Variants in LHX3 observed in about 807,000 individuals in gnomAD.
LHX3 encodes the protein LIM/homeobox protein Lhx3.
In LHX3, 21 loss-of-function variants were observed where a neutral mutation model predicts 32.4. The observed-to-expected ratio is 0.65, with a 90% confidence interval of 0.46 to 0.93. The LOEUF is 0.93. Among genes scored for constraint, LHX3 ranks in the 40% least tolerant of loss-of-function variants. The probability of loss-of-function intolerance (pLI) is 0.00; values close to 1 mark genes in which losing one functional copy is unlikely to be tolerated. For synonymous variants in LHX3, 258 were observed against 246.8 expected, an observed-to-expected ratio of 1.05 and a Z score of -0.43; for missense variants, 626 against 560.0, an observed-to-expected ratio of 1.12 and a Z score of -1.19.
rs1333751205 is a variant in LHX3, at chr9:136,198,723, C to G, written c.704G>C (p.Arg235Pro). The G allele has an allele frequency of 1.9e-6, 3 of 1,611,594 alleles. No homozygotes were observed. The highest frequency in any genetic ancestry group is 1.1e-5 in the South Asian group (1 of 91,036). Residue 235 changes from arginine (R) to proline (P), a missense_variant, in exon 5 of 6, where the codon CGC becomes CCC. Coordinates refer to ENST00000371748, the MANE Select transcript of LHX3 (RefSeq NM_178138.6). ...GTCCTTGTCCGACTTGGAGCCGCCG[C>G]GGGAGCGCTTCATGTTGCGGAAATA... ...GQYFRNMKRS[R>P]GGSKSDKDSV...
Position 136,196,951 on chromosome 9 carries a change from A to G in LHX3, c.*374T>C. The stretch of plus-strand genomic sequence containing the variant: ...GAAAGCACAATTATGATGATTTCTC[A>G]GTTTTAGAGATGAAAGCGTTTTTCC... On this transcript the variant is annotated 3_prime_UTR_variant, in exon 6 of 6. Coordinates refer to ENST00000371748, the MANE Select transcript of LHX3 (RefSeq NM_178138.6). 1 of 299,144 alleles carries G rather than the reference A, an allele frequency of 3.3e-6. No individual in the cohort carries two copies. Among genetic ancestry groups the G allele is most frequent in the Non-Finnish European group, 6.3e-6 (1 of 158,562 alleles). 18.5% of individuals were successfully genotyped at this position (299,144 alleles called of 1,614,324 possible).
At chr9:136,202,911 T>C in intron 1 of LHX3, 2 of 1,529,586 alleles carry the variant, frequency 1.3e-6, no homozygotes, top group South Asian at 1.2e-5. Flanking sequence ...GATCTCCTGG[T>C]CTCCCCGGTG....
chr9:136,204,456 C>A (rs1221256868), intron 1 of LHX3, among the ~76,000 whole-genome samples: 1 of 152,170 alleles, frequency 6.6e-6, no homozygotes, highest in Non-Finnish European at 1.5e-5. Context: ...GTTAAGGAGG[C>A]GGCCCACCCT....
intron 2 of LHX3, 101 bp from the exon 3 acceptor site, chr9:136,199,981 G>A (rs963090738): frequency 7.9e-7 from 1 of 1,258,008 alleles, no homozygotes; most frequent in East Asian, 2.5e-5. Flanking sequence ...AGGCGGCCCC[G>A]GAGGAAGGCT....
chr9:136,201,501 G>T, intron 1 of LHX3: 2 of 1,185,088 alleles, frequency 1.7e-6, no homozygotes, highest in East Asian at 3.6e-5. Context: ...GGTGCCCTGT[G>T]GGAGCCTCGA....
At chr9:136,199,080 G>T in intron 3 of LHX3, 21 bp from the exon 4 acceptor site, 1 of 1,444,868 alleles carries the variant, frequency 6.9e-7, no homozygotes, top group Non-Finnish European at 9.1e-7. Flanking sequence ...GGCGAGCGGT[G>T]AGGCGCGGCA....
chr9:136,204,970 C>T lies in LHX3; in HGVS notation c.43G>A (p.Gly15Arg), dbSNP rs769776453. Residue 15 changes from glycine (G) to arginine (R), a missense_variant, in exon 1 of 6, where the codon GGG becomes AGG. Coordinates refer to ENST00000371748, the MANE Select transcript of LHX3 (RefSeq NM_178138.6). Reference sequence around the variant, plus strand: ...CCCAAGGTGCAGACGGCGGCGGCCCCGGGCCTCGCTCGGTCGCGCTCGAGC... The same window carrying T: ...CCCAAGGTGCAGACGGCGGCGGCCCTGGGCCTCGCTCGGTCGCGCTCGAGC... ...TGLERDRARP[G>R]AAAVCTLGGT... The T allele has an allele frequency of 3.8e-6, 6 of 1,597,556 alleles. No individual in the cohort carries two copies. Among genetic ancestry groups the T allele is most frequent in the East Asian group, 2.2e-5 (1 of 44,454 alleles).
chr9:136,203,996 G>T (rs998978053), intron 1 of LHX3, among the ~76,000 whole-genome samples: 1 of 152,204 alleles, frequency 6.6e-6, no homozygotes, highest in African/African-American at 2.4e-5. Context: ...GCAGTGGGTG[G>T]CCCTCGGCAG....
chr9:136,198,287 T>C (rs1588624715), intron 5 of LHX3, among the ~76,000 whole-genome samples: 2 of 152,298 alleles, frequency 1.3e-5, no homozygotes, highest in Admixed American at 1.3e-4. Flanking sequence ...CAGCTGGGAC[T>C]TCGACTCAGT....
rs753541284 is a variant in LHX3, at chr9:136,198,890, G to A, written c.606+18C>T. The A allele has an allele frequency of 6.3e-7, 1 of 1,588,656 alleles. No homozygotes were observed. Among genetic ancestry groups the A allele is most frequent in the South Asian group, 1.1e-5 (1 of 89,838 alleles). On this transcript the variant is annotated intron_variant, in intron 4 of 5. Transcript: ENST00000371748. Reference sequence around the variant, plus strand: ...CCCCAAGGCCGCGGGCGGGAGGGAAGCAGGGGCGAGCGCTGACCTGCACCA... The same window carrying A: ...CCCCAAGGCCGCGGGCGGGAGGGAAACAGGGGCGAGCGCTGACCTGCACCA...
rs1038715784 is a variant in LHX3, at chr9:136,197,082, T to G, written c.*243A>C. 6.4e-5 allele frequency: 38 copies of G among 589,184 alleles called. No individual in the cohort carries two copies. Among genetic ancestry groups the G allele is most frequent in the Non-Finnish European group, 1.1e-4 (35 of 330,022 alleles). The allele number at this position is 589,184 out of a possible 1,614,324, so 36.5% of individuals were successfully genotyped here. A position where few individuals can be genotyped will look rare whatever the true frequency, so the allele number is the denominator to read the frequency against. On this transcript the variant is annotated 3_prime_UTR_variant, in exon 6 of 6. Transcript: ENST00000371748. ...AATTGGTCAATAAAGGGGAGAAATT[T>G]GCTTACAAAAAAGGCTGGCTTGCTG...
At chr9:136,198,617 C>T (rs534099570) in intron 5 of LHX3, 35 bp downstream of exon 5, 11 of 1,484,398 alleles carry the variant, frequency 7.4e-6, no homozygotes, top group Non-Finnish European at 9.9e-6. Flanking sequence ...GACGCGCGCT[C>T]GTCCCCCCCC....
Position 136,197,463 on chromosome 9 carries a change from G to A in LHX3, c.1056C>T (p.Pro352=), listed in dbSNP as rs761836187. ...TSLGLVPSGA[P]GGPPPMRVLA... is the part of the protein sequence containing the mutation. ...GCACCCTCATGGGTGGGGGCCCGCC[G>A]GGGGCTCCCGAGGGCACAAGGCCCA... Residue 352 remains proline (P), a synonymous_variant, in exon 6 of 6, where the codon CCC becomes CCT. Coordinates refer to ENST00000371748, the MANE Select transcript of LHX3 (RefSeq NM_178138.6). 2.3e-5 allele frequency: 37 copies of A among 1,576,028 alleles called. No homozygotes were observed. Among genetic ancestry groups the A allele is most frequent in the South Asian group, 2.0e-4 (17 of 86,706 alleles).
At chr9:136,202,349 TG>T (rs149934269) in intron 1 of LHX3, among the ~76,000 whole-genome samples, 4,131 of 152,140 alleles carry the variant, frequency 0.027, 168 homozygotes, top group African/African-American at 0.089. Context: ...CGAGGAGAAC[TG>T]CCCAGGTTCC....
intron 3 of LHX3, among the ~76,000 whole-genome samples, 193 bp from the exon 4 acceptor site, chr9:136,199,252 G>A (rs1239085651): frequency 1.3e-5 from 2 of 152,100 alleles, no homozygotes; most frequent in African/African-American, 2.4e-5. Context: ...TGGGGTGGAG[G>A]GGGCGCCGGC....
Position 136,198,794 on chromosome 9 carries a change from C to G in LHX3, c.633G>C (p.Lys211Asn). ...VQVWFQNRRA[K>N]EKRLKKDAGR... The stretch of plus-strand genomic sequence containing the variant: ...CGGCGTCCTTCTTCAGCCTCTTCTC[C>G]TTGGCCCGGCGGTTCTGGAACCAAA... The change falls in exon 5 of 6, where the codon AAG (lysine) becomes AAC (asparagine). Residue 211 changes from lysine (K) to asparagine (N), a missense_variant. By Grantham distance (94) the Lys-to-Asn change is moderately conservative (BLOSUM62 0). Coordinates refer to ENST00000371748, the MANE Select transcript of LHX3 (RefSeq NM_178138.6). 1 of 1,609,790 alleles carries G rather than the reference C, an allele frequency of 6.2e-7. No homozygotes were observed. The highest frequency in any genetic ancestry group is 8.5e-7 in the Non-Finnish European group (1 of 1,179,228).
chr9:136,197,661 G>A lies in LHX3; in HGVS notation c.858C>T (p.Pro286=). Reference sequence around the variant, plus strand: ...GGGAGAAGTTGCCCAGGGCTCCCGAGGGCCGGCCCAAGGCCTGGGTGGGTT... The same window carrying A: ...GGGAGAAGTTGCCCAGGGCTCCCGAAGGCCGGCCCAAGGCCTGGGTGGGTT... The part of the protein sequence containing the change: ...LGEPTQALGR[P]SGALGNFSLE... Residue 286 remains proline, a synonymous_variant, in exon 6 of 6, where the codon CCC becomes CCT. Transcript: ENST00000371748. 6.2e-7 allele frequency: 1 copy of A among 1,601,954 alleles called. No homozygotes were observed. The highest frequency in any genetic ancestry group is 1.1e-5 in the South Asian group (1 of 89,506).
chr9:136,198,506 G>T (rs1831548789), intron 5 of LHX3, 146 bp downstream of exon 5: 2 of 968,112 alleles, frequency 2.1e-6, no homozygotes, highest in Non-Finnish European at 3.0e-6. Flanking sequence ...GGGGGAGCAG[G>T]TTCTGTAAGT....
rs1354944982 is a variant in LHX3, at chr9:136,197,528, G to A, written c.991C>T (p.Gln331Ter). The change falls in exon 6 of 6, where the codon CAG (glutamine) becomes TAG (stop). Residue 331 changes from glutamine (Q) to a stop codon, truncating the protein, a stop_gained. Coordinates refer to ENST00000371748, the MANE Select transcript of LHX3 (RefSeq NM_178138.6). LOFTEE classifies it high-confidence loss of function. ...PAAPQSLPGPQPLLSSLVYPD... is the reference protein window; with the variant it reads ...PAAPQSLPGP ...TACACCAGGCTGGAGAGGAGGGGCT[G>A]GGGGCCAGGGAGGCTCTGCGGGGCG... 11 of 1,533,370 alleles carry A rather than the reference G, an allele frequency of 7.2e-6. No homozygotes were observed. In the East Asian group the frequency reaches 2.2e-4, roughly 31 times the overall value. 95.0% of individuals were successfully genotyped at this position (1,533,370 alleles called of 1,614,324 possible). A position where few individuals can be genotyped will look rare whatever the true frequency, so the allele number is the denominator to read the frequency against.
Sources: gnomAD v4.1 joint callset for allele counts (sites outside exome capture counted in the v4.1 genomes callset) on GRCh38, gnomAD v4.1.1 for gene constraint, MANE v1.5 for transcripts, NCBI Gene and HGNC (gene_info 2026-07-23, HGNC 2026-07-21) for gene names.